The following CERS4 variants were observed in gnomAD, a reference collection of about 807,000 sequenced individuals.
CERS4 encodes the protein LAG1 homolog, ceramide synthase 4.
In CERS4, 65 loss-of-function variants were observed where a neutral mutation model predicts 51.8. That is an observed-to-expected ratio of 1.26 (90% CI 1.03 to 1.54). The LOEUF is 1.54. Among genes scored for constraint, CERS4 ranks in the 40% most tolerant of loss-of-function variants. The pLI is 0.00. For missense variants in CERS4, 563 were observed against 500.4 expected, an observed-to-expected ratio of 1.13 and a Z score of -1.19; for synonymous variants, 228 against 208.4, an observed-to-expected ratio of 1.09 and a Z score of -0.81.
chr19:8,218,047 C>T, intron 2 of CERS4, among the ~76,000 whole-genome samples: 1 of 152,138 alleles, frequency 6.6e-6, no homozygotes, highest in East Asian at 1.9e-4. Flanking sequence ...TCACTGCAAC[C>T]TTTGCCTCCC....
intron 2 of CERS4, among the ~76,000 whole-genome samples, chr19:8,215,655 G>A (rs1967270179): frequency 1.3e-5 from 2 of 152,156 alleles, no homozygotes; most frequent in Admixed American, 1.3e-4. Context: ...CACTGGGAGG[G>A]AATTTAGACA....
intron 6 of CERS4, 24 bp downstream of exon 6, chr19:8,255,903 A>C: frequency 6.2e-7 from 1 of 1,612,190 alleles, no homozygotes. Flanking sequence ...AGTATAGCTG[A>C]CTGCTCACCT....
chr19:8,220,826 T>G (rs150698845), intron 2 of CERS4, among the ~76,000 whole-genome samples: 6,720 of 150,150 alleles, frequency 0.045, 496 homozygotes, highest in African/African-American at 0.15. Context: ...TGTTTTTTTT[T>G]TTGTTTTTTT....
At chr19:8,234,771 C>T (rs1032925402) in intron 2 of CERS4, among the ~76,000 whole-genome samples, 28 of 151,310 alleles carry the variant, frequency 1.9e-4, no homozygotes, top group Non-Finnish European at 3.4e-4. Flanking sequence ...CCAGGCTGGT[C>T]TCGAACTCCT....
intron 10 of CERS4, chr19:8,261,298 G>A (rs948388375): frequency 4.8e-5 from 9 of 189,116 alleles, no homozygotes; most frequent in African/African-American, 1.4e-4. Context: ...AGGCCCCACC[G>A]CCTGCCTTCC....
chr19:8,242,676 T>C (rs778948235), intron 2 of CERS4, among the ~76,000 whole-genome samples: 1 of 152,174 alleles, frequency 6.6e-6, no homozygotes, highest in African/African-American at 2.4e-5. Flanking sequence ...GGCAGAGATG[T>C]TGCTTGTTTT....
At chr19:8,216,703 T>C (rs1398124342) in intron 2 of CERS4, among the ~76,000 whole-genome samples, 1 of 152,164 alleles carries the variant, frequency 6.6e-6, no homozygotes, top group Non-Finnish European at 1.5e-5. Flanking sequence ...TTGTCTACTC[T>C]GTTCTCTGCT....
chr19:8,250,538 C>T (rs1969024823), intron 2 of CERS4: 1 of 152,592 alleles, frequency 6.6e-6, no homozygotes, highest in Non-Finnish European at 1.5e-5. Flanking sequence ...CTCACTGCAA[C>T]CTCCGCCTCC....
At chr19:8,253,462 TTTTTTTTTTG>T (rs1200864119) in intron 3 of CERS4, among the ~76,000 whole-genome samples, 24 of 148,682 alleles carry the variant, frequency 1.6e-4, no homozygotes, top group Non-Finnish European at 2.8e-4. Context: ...TTTTTTTTTT[TTTTTTTTTTG>T]GGGAGACAGA....
chr19:8,241,722 C>T (rs1277845048), intron 2 of CERS4, among the ~76,000 whole-genome samples: 2 of 152,120 alleles, frequency 1.3e-5, no homozygotes, highest in African/African-American at 4.8e-5. Context: ...ACGTTCCATG[C>T]CTGGTAAACG....
At chr19:8,257,819 CCTT>C in intron 9 of CERS4, 57 bp from the exon 10 acceptor site, 1 of 1,333,630 alleles carries the variant, frequency 7.5e-7, no homozygotes, top group Non-Finnish European at 1.1e-6. Flanking sequence ...TCCTATAGCA[CCTT>C]CTCTTTGAGA....
At chr19:8,230,114 A>C (rs1207333700) in intron 2 of CERS4, among the ~76,000 whole-genome samples, 1 of 152,200 alleles carries the variant, frequency 6.6e-6, no homozygotes, top group Admixed American at 6.6e-5. Context: ...TATTTTTTCA[A>C]ATATTTCACC....
Position 8,254,500 on chromosome 19 carries a change from T to A in CERS4, c.175T>A (p.Phe59Ile), listed in dbSNP as rs780375466. 8 of 1,613,458 alleles carry A rather than the reference T, an allele frequency of 5.0e-6. No individual in the cohort carries two copies. The East Asian group carries it at 1.8e-4, about 36-fold the overall frequency. Residue 59 changes from phenylalanine (F) to isoleucine (I), a missense_variant and splice_region_variant, in exon 4 of 12, where the codon TTC becomes ATC. Coordinates refer to ENST00000251363, the MANE Select transcript of CERS4 (RefSeq NM_024552.3). ...LLAMRLAFERFIGLPLSRWLG... is the reference protein window; with the variant it reads ...LLAMRLAFERIIGLPLSRWLG... Reference sequence around the variant, plus strand: ...AGGCTCTGTCTCCTTTGCACCCAGATTCATTGGCCTGCCCCTGAGCCGGTG... The same window carrying A: ...AGGCTCTGTCTCCTTTGCACCCAGAATCATTGGCCTGCCCCTGAGCCGGTG...
At chr19:8,211,618 G>A (rs1417426031) in intron 2 of CERS4, among the ~76,000 whole-genome samples, 2 of 152,168 alleles carry the variant, frequency 1.3e-5, no homozygotes, top group African/African-American at 2.4e-5. Context: ...GGGGCTGGGC[G>A]TGGTGGCTCA....
chr19:8,233,193 T>A (rs886309238), intron 2 of CERS4, among the ~76,000 whole-genome samples: 1 of 150,800 alleles, frequency 6.6e-6, no homozygotes, highest in East Asian at 1.9e-4. Context: ...GGGGGCGGAG[T>A]CTTGCTCTGT....
intron 2 of CERS4, among the ~76,000 whole-genome samples, chr19:8,228,418 T>C (rs1967873702): frequency 6.6e-6 from 1 of 152,206 alleles, no homozygotes; most frequent in Admixed American, 6.6e-5. Flanking sequence ...CTCACACCTA[T>C]AATCCCAGCA....
chr19:8,255,634 T>G lies in CERS4; in HGVS notation c.319T>G (p.Cys107Gly). ...CCAGCTGTCTCTCCTGGCCGCCCAG[T>G]GTGGCCTCACGCTGCAGCAGACCCA... The part of the protein sequence containing the change: ...EPQLSLLAAQ[C>G]GLTLQQTQRW... The change falls in exon 5 of 12, where the codon TGT becomes GGT. Residue 107 changes from cysteine to glycine, a missense_variant. Transcript: ENST00000251363. 1.2e-6 allele frequency: 2 copies of G among 1,612,680 alleles called. No individual in the cohort carries two copies. The highest frequency in any genetic ancestry group is 2.2e-5 in the South Asian group (2 of 90,996).
chr19:8,260,970 AAAAAAAAC>A (rs1405353143), intron 10 of CERS4: 1 of 150,142 alleles, frequency 6.7e-6, no homozygotes, highest in African/African-American at 2.5e-5. Flanking sequence ...AAAAAAAAAA[AAAAAAAAC>A]AAGAACCACA....
At chr19:8,217,645 T>C (rs1364574941) in intron 2 of CERS4, among the ~76,000 whole-genome samples, 1 of 151,774 alleles carries the variant, frequency 6.6e-6, no homozygotes, top group Non-Finnish European at 1.5e-5. Context: ...CATGTCATTC[T>C]CCTGCCTCAG....
Sources: gnomAD v4.1 joint callset for allele counts (sites outside exome capture counted in the v4.1 genomes callset) on GRCh38, gnomAD v4.1.1 for gene constraint, MANE v1.5 for transcripts, NCBI Gene and HGNC (gene_info 2026-07-23, HGNC 2026-07-21) for gene names.